The following STK3 variants were observed in gnomAD, a reference collection of about 807,000 sequenced individuals.
STK3 encodes serine/threonine-protein kinase 3.
Under a neutral mutation model 58.0 loss-of-function variants are expected in STK3, and 41 were observed. The ratio of observed to expected loss-of-function variants is 0.71; its 90% CI spans 0.55 to 0.92. The LOEUF (loss-of-function observed/expected upper bound fraction) is 0.92, where lower values mean the gene tolerates loss of function less well. Ranked by LOEUF, STK3 falls within the 40% of genes least tolerant of loss-of-function variation. The probability of loss-of-function intolerance (pLI) is 0.00; values close to 1 mark genes in which losing one functional copy is unlikely to be tolerated. For missense variants in STK3, 479 were observed against 602.7 expected (o/e 0.79, Z 2.15); for synonymous variants, 170 against 191.0 (o/e 0.89, Z 0.91).
At chr8:98,679,850 G>A (rs144492457) in intron 6 of STK3, among the ~76,000 whole-genome samples, 1 of 152,286 alleles carries the variant, frequency 6.6e-6, no homozygotes, top group Non-Finnish European at 1.5e-5. Flanking sequence ...CTGAAGAACA[G>A]CTATAGTAAA....
At chr8:98,440,604 C>T (rs531981134) in intron 1 of STK3, among the ~76,000 whole-genome samples, 9 of 151,928 alleles carry the variant, frequency 5.9e-5, no homozygotes, top group Admixed American at 2.6e-4. Flanking sequence ...ACCAGTGGTA[C>T]AGTGCAAAAA....
chr8:98,436,140 C>T (rs545524931), intron 2 of STK3, among the ~76,000 whole-genome samples: 1 of 152,294 alleles, frequency 6.6e-6, no homozygotes, highest in South Asian at 2.1e-4. Flanking sequence ...CCTGGGAACT[C>T]CCTCCTTTGT....
intron 1 of STK3, among the ~76,000 whole-genome samples, chr8:98,789,532 A>C (rs1199652202): frequency 6.6e-6 from 1 of 152,208 alleles, no homozygotes; most frequent in African/African-American, 2.4e-5. Context: ...AAAAGAAGAA[A>C]GAAAATCCAA....
At chr8:98,716,446 A>G (rs1012642469) in intron 4 of STK3, among the ~76,000 whole-genome samples, 4 of 152,134 alleles carry the variant, frequency 2.6e-5, no homozygotes, top group Non-Finnish European at 5.9e-5. Context: ...TTTAAAGAAT[A>G]AAATACTTAG....
intron 1 of STK3, among the ~76,000 whole-genome samples, chr8:98,924,524 C>A (rs901601807): frequency 1.3e-5 from 2 of 152,154 alleles, no homozygotes; most frequent in Non-Finnish European, 2.9e-5. Context: ...CTTGCATCAA[C>A]CTCGTAAGGA....
intron 3 of STK3, among the ~76,000 whole-genome samples, chr8:98,861,168 G>C (rs1381734898): frequency 6.6e-6 from 1 of 151,970 alleles, no homozygotes; most frequent in Non-Finnish European, 1.5e-5. Flanking sequence ...CTGGGACAGG[G>C]GCTGCAAGGC....
chr8:98,700,198 C>T (rs916611452), intron 6 of STK3, among the ~76,000 whole-genome samples: 11 of 152,198 alleles, frequency 7.2e-5, no homozygotes, highest in African/African-American at 2.2e-4. Flanking sequence ...CCTGGTGAGC[C>T]GTTTTTTAAG....
intron 6 of STK3, among the ~76,000 whole-genome samples, chr8:98,616,854 TTAA>T (rs1817774725): frequency 6.7e-6 from 1 of 149,266 alleles, no homozygotes; most frequent in Non-Finnish European, 1.5e-5. Flanking sequence ...CTCCCACACA[TTAA>T]TAATGGGAGA....
chr8:98,714,082 C>T (rs1223740342), intron 4 of STK3, among the ~76,000 whole-genome samples: 2 of 152,130 alleles, frequency 1.3e-5, no homozygotes, highest in African/African-American at 4.8e-5. Context: ...ATTCAACAAC[C>T]TACATGCTAC....
At chr8:98,599,673 A>G (rs938500534) in intron 6 of STK3, among the ~76,000 whole-genome samples, 6 of 152,160 alleles carry the variant, frequency 3.9e-5, no homozygotes, top group African/African-American at 1.4e-4. Context: ...AGATGTTAAT[A>G]TAAAAATGTG....
In STK3 at chr8:98,751,884, G is replaced by C. The variant is rs187297120; in HGVS notation, c.237-2494C>G. On this transcript the variant is annotated intron_variant, in intron 3 of 10. Transcript: ENST00000419617. ...GAACTCAGGAGGCGGAGGTTGCAGT[G>C]AGCTGAGATTGTGTCACTGCACTCC... is the stretch of plus-strand genomic sequence containing the variant. Among the ~76,000 whole-genome samples the C allele has an allele frequency of 7.5e-3, 1,145 of 152,206 alleles. 13 individuals are homozygous for C. The highest frequency in any genetic ancestry group is 0.025 in the African/African-American group (1,049 of 41,522).
chr8:98,807,855 G>A (rs1833983026), intron 1 of STK3, among the ~76,000 whole-genome samples: 1 of 152,142 alleles, frequency 6.6e-6, no homozygotes, highest in Non-Finnish European at 1.5e-5. Flanking sequence ...ACAGATATGA[G>A]GAATGTTAAG....
At chr8:98,434,834 T>C (rs886993456) in intron 2 of STK3, among the ~76,000 whole-genome samples, 2 of 150,348 alleles carry the variant, frequency 1.3e-5, no homozygotes, top group Non-Finnish European at 3.0e-5. Context: ...GGGAACAGGA[T>C]AGAGTGAATA....
intron 3 of STK3, among the ~76,000 whole-genome samples, chr8:98,856,097 G>C (rs566668386): frequency 4.9e-4 from 71 of 146,130 alleles, no homozygotes; most frequent in African/African-American, 1.7e-3. Flanking sequence ...GGAGGTTGCA[G>C]TGGGCCGAGA....
intron 1 of STK3, among the ~76,000 whole-genome samples, chr8:98,923,187 A>G (rs181603574): frequency 6.6e-6 from 1 of 152,382 alleles, no homozygotes; most frequent in East Asian, 1.9e-4. Flanking sequence ...ACAGTCAATG[A>G]CCCATGTTAG....
At chr8:98,461,430 T>C (rs1819968528) in intron 10 of STK3, among the ~76,000 whole-genome samples, 3 of 152,242 alleles carry the variant, frequency 2.0e-5, no homozygotes, top group Admixed American at 6.5e-5. Context: ...TAATTTTTTA[T>C]CAATTCTGCC....
chr8:98,661,346 T>C (rs896639504), intron 6 of STK3, among the ~76,000 whole-genome samples: 1 of 152,104 alleles, frequency 6.6e-6, no homozygotes, highest in Non-Finnish European at 1.5e-5. Flanking sequence ...ATTATTTAGC[T>C]CAATGAAGTT....
chr8:98,589,130 G>T (rs565632823), intron 7 of STK3, among the ~76,000 whole-genome samples: 38 of 151,250 alleles, frequency 2.5e-4, no homozygotes, highest in South Asian at 1.5e-3. Context: ...GCTTTGTTCC[G>T]TTGCTGGTGA....
At chr8:98,362,593 C>T in the STK3 span, among the ~76,000 whole-genome samples, 22 of 152,302 alleles carry the variant, frequency 1.4e-4, no homozygotes, top group South Asian at 8.3e-4. Flanking sequence ...AGCTGATTCC[C>T]GAGGTGGATT....
Sources: gnomAD v4.1 joint callset for allele counts (sites outside exome capture counted in the v4.1 genomes callset) on GRCh38, gnomAD v4.1.1 for gene constraint, MANE v1.5 for transcripts, NCBI Gene and HGNC (gene_info 2026-07-23, HGNC 2026-07-21) for gene names.